PPP2R2B: variants seen among roughly 807,000 people sequenced by gnomAD.
PPP2R2B encodes serine/threonine-protein phosphatase 2A 55 kDa regulatory subunit B beta isoform.
In PPP2R2B, 5 loss-of-function variants were observed where a neutral mutation model predicts 46.0. That is an observed-to-expected ratio of 0.11 (90% CI 0.06 to 0.23). The LOEUF (loss-of-function observed/expected upper bound fraction) is 0.23, where lower values mean the gene tolerates loss of function less well. PPP2R2B is among the 10% of genes least tolerant of loss of function. The pLI, the probability that PPP2R2B is intolerant of heterozygous loss-of-function variation, is 1.00. For synonymous variants in PPP2R2B, 215 were observed against 206.7 expected (o/e 1.04, Z -0.34); for missense variants, 367 against 575.0 (o/e 0.64, Z 3.70).
At chr5:146,887,816 A>G (rs116219599) in intron 1 of PPP2R2B, among the ~76,000 whole-genome samples, 2 of 152,332 alleles carry the variant, frequency 1.3e-5, no homozygotes, top group African/African-American at 4.8e-5. Flanking sequence ...GAAGGTGGAG[A>G]AATTTAAAGG....
At chr5:146,899,855 T>A (rs746393073) in intron 1 of PPP2R2B, among the ~76,000 whole-genome samples, 217 of 152,296 alleles carry the variant, frequency 1.4e-3, no homozygotes, top group Non-Finnish European at 2.6e-3. Context: ...TTGGTTATTT[T>A]AAAAGATATA....
intron 2 of PPP2R2B, among the ~76,000 whole-genome samples, chr5:146,774,668 T>C (rs1027925106): frequency 2.6e-5 from 4 of 151,890 alleles, no homozygotes; most frequent in South Asian, 2.1e-4. Context: ...AGTACAAAAA[T>C]TAGCTGGGCG....
intron 2 of PPP2R2B, among the ~76,000 whole-genome samples, chr5:146,728,153 T>C (rs1304158679): frequency 6.7e-6 from 1 of 148,836 alleles, no homozygotes; most frequent in Admixed American, 6.7e-5. Context: ...TTTTTTTTTT[T>C]TTTTTTTTTC....
intron 1 of PPP2R2B, among the ~76,000 whole-genome samples, chr5:147,051,160 G>A (rs1006420534): frequency 6.6e-6 from 1 of 152,182 alleles, no homozygotes; most frequent in Non-Finnish European, 1.5e-5. Context: ...ATACTCAGAA[G>A]GAAATGTGCA....
chr5:146,606,805 C>T (rs749004625), intron 7 of PPP2R2B, among the ~76,000 whole-genome samples: 2 of 152,122 alleles, frequency 1.3e-5, no homozygotes, highest in Non-Finnish European at 2.9e-5. Flanking sequence ...TCTCTCATTT[C>T]AATGTCACCC....
intron 1 of PPP2R2B, among the ~76,000 whole-genome samples, chr5:146,945,775 C>T (rs1764460579): frequency 6.6e-6 from 1 of 152,134 alleles, no homozygotes; most frequent in Non-Finnish European, 1.5e-5. Context: ...GACAGAAAAT[C>T]ATTGTGTAAG....
At chr5:147,011,305 C>A (rs1031848851) in intron 1 of PPP2R2B, among the ~76,000 whole-genome samples, 1 of 152,178 alleles carries the variant, frequency 6.6e-6, no homozygotes, top group South Asian at 2.1e-4. Flanking sequence ...AAATGCCCCC[C>A]CCATCCCTAC....
Position 146,981,726 on chromosome 5 carries a change from A to T in PPP2R2B, c.79+73939T>A, listed in dbSNP as rs1201073337. Among the ~76,000 whole-genome samples, 5 of 152,208 alleles carry T rather than the reference A, an allele frequency of 3.3e-5. No homozygotes were observed. The East Asian group carries it at 9.6e-4, about 29-fold the overall frequency. The stretch of plus-strand genomic sequence containing the variant: ...ACAAGGATCCCTATGCTGCCCTTTT[A>T]CATCTACTTTCCTCTCACTTAAACC... On this transcript the variant is annotated intron_variant, in intron 1 of 8. Transcript: ENST00000336640.
chr5:146,874,004 A>C (rs905080805), intron 2 of PPP2R2B, among the ~76,000 whole-genome samples: 4 of 152,168 alleles, frequency 2.6e-5, no homozygotes, highest in African/African-American at 9.7e-5. Flanking sequence ...CCTTCTACCT[A>C]AAATGCTTTC....
chr5:146,682,454 G>C (rs571316986), intron 5 of PPP2R2B, among the ~76,000 whole-genome samples: 131 of 152,312 alleles, frequency 8.6e-4, no homozygotes, highest in African/African-American at 3.1e-3. Context: ...CCCAACCTCT[G>C]TAAGAAAGTA....
At chr5:147,062,229 GCAATAGGCTGTAC>G (rs1757280615) in intron 2 of PPP2R2B, among the ~76,000 whole-genome samples, 1 of 152,170 alleles carries the variant, frequency 6.6e-6, no homozygotes, top group African/African-American at 2.4e-5. Context: ...TAGCCTAGGA[GCAATAGGCTGTAC>G]CATCTAGGTT....
At chr5:147,016,985 G>A (rs979989918) in intron 1 of PPP2R2B, among the ~76,000 whole-genome samples, 5 of 151,560 alleles carry the variant, frequency 3.3e-5, no homozygotes, top group Admixed American at 6.6e-5. Context: ...GAAACATGAA[G>A]TATTTTAAAT....
intron 1 of PPP2R2B, among the ~76,000 whole-genome samples, chr5:146,983,160 T>C (rs975298610): frequency 6.6e-6 from 1 of 150,846 alleles, no homozygotes; most frequent in Non-Finnish European, 1.5e-5. Flanking sequence ...GGTTTATCTA[T>C]CGTGTTTTCC....
At chr5:147,014,763 T>C (rs1171397512) in intron 1 of PPP2R2B, among the ~76,000 whole-genome samples, 1 of 151,598 alleles carries the variant, frequency 6.6e-6, no homozygotes, top group Non-Finnish European at 1.5e-5. Context: ...AGGGATATCA[T>C]TGGGAGATAT....
chr5:146,921,314 C>T (rs1763599115), intron 1 of PPP2R2B, among the ~76,000 whole-genome samples: 1 of 152,164 alleles, frequency 6.6e-6, no homozygotes, highest in South Asian at 2.1e-4. Context: ...AACAGATTAT[C>T]AAATGCCTTT....
intron 5 of PPP2R2B, among the ~76,000 whole-genome samples, chr5:146,690,314 G>T (rs543590655): frequency 6.6e-6 from 1 of 152,236 alleles, no homozygotes; most frequent in Middle Eastern, 3.4e-3. Context: ...TTAAAAGATC[G>T]CTTTGAGAAA....
intron 2 of PPP2R2B, among the ~76,000 whole-genome samples, chr5:146,726,332 C>A (rs1751866952): frequency 6.6e-6 from 1 of 152,154 alleles, no homozygotes; most frequent in Non-Finnish European, 1.5e-5. Context: ...GTCCTAGGTG[C>A]TGCTGAGGAC....
chr5:147,018,037 GCGCGCGCACACACA>G lies in PPP2R2B; in HGVS notation c.79+37614_79+37627del, dbSNP rs1233584323. On this transcript the variant is annotated intron_variant, in intron 1 of 8. Transcript: ENST00000336640. ...TATAGTCTACGACACACACATGCAT[GCGCGCGCACACACA>G]CACACACACACACACACACACACAC... 4.6e-3 allele frequency among the ~76,000 whole-genome samples: 551 copies of G among 118,766 alleles called. 3 individuals are homozygous for G. Among genetic ancestry groups the G allele is most frequent in the African/African-American group, 5.6e-3 (163 of 28,860 alleles). 77.9% of individuals were successfully genotyped at this position (118,766 alleles called of 152,430 possible).
At chr5:147,034,738 C>T (rs1486390868) in intron 1 of PPP2R2B, among the ~76,000 whole-genome samples, 1 of 152,004 alleles carries the variant, frequency 6.6e-6, no homozygotes, top group East Asian at 1.9e-4. Flanking sequence ...TTACATCAAC[C>T]CTCTAAATTA....
Sources: allele counts gnomAD v4.1 joint callset (sites outside exome capture counted in the v4.1 genomes callset), GRCh38; gene constraint gnomAD v4.1.1; transcripts MANE v1.5; gene names NCBI Gene and HGNC (gene_info 2026-07-23, HGNC 2026-07-21).